The following EDN1 variants were observed in gnomAD, a reference collection of about 807,000 sequenced individuals.
The protein encoded by EDN1 is endothelin 1, also known as endothelin-1.
A neutral mutation model predicts 21.7 loss-of-function variants in EDN1; 11 were observed. That is an observed-to-expected ratio of 0.51 (90% confidence interval 0.32 to 0.84). EDN1 has a LOEUF of 0.84. EDN1 is among the 40% of genes least tolerant of loss of function. The probability of loss-of-function intolerance (pLI) is 0.03; values close to 1 mark genes in which losing one functional copy is unlikely to be tolerated. For synonymous variants in EDN1, 85 were observed against 90.6 expected (o/e 0.94, Z 0.35); for missense variants, 244 against 262.3 (o/e 0.93, Z 0.48).
intron 2 of EDN1, among the ~76,000 whole-genome samples, chr6:12,293,413 G>C (rs1464282907): frequency 6.6e-6 from 1 of 152,202 alleles, no homozygotes; most frequent in Admixed American, 6.5e-5. Flanking sequence ...CCGACTGGCA[G>C]GAGAAATGTG....
the EDN1 span, among the ~76,000 whole-genome samples, chr6:12,241,738 A>G: frequency 6.6e-6 from 1 of 152,162 alleles, no homozygotes; most frequent in Non-Finnish European, 1.5e-5. Flanking sequence ...AGATGATCCT[A>G]TGAGTAACAC....
the EDN1 span, among the ~76,000 whole-genome samples, chr6:12,252,152 T>C: frequency 6.6e-6 from 1 of 152,188 alleles, no homozygotes; most frequent in Non-Finnish European, 1.5e-5. Flanking sequence ...ACCTTTTAGA[T>C]ATTGCTGGAC....
the EDN1 span, among the ~76,000 whole-genome samples, chr6:12,263,396 A>C: frequency 6.6e-6 from 1 of 152,222 alleles, no homozygotes; most frequent in African/African-American, 2.4e-5. Context: ...GTGGGTGTAC[A>C]AATGCAAATT....
the EDN1 span, among the ~76,000 whole-genome samples, chr6:12,243,935 C>T: frequency 1.8e-3 from 281 of 152,168 alleles, 2 homozygotes; most frequent in African/African-American, 6.1e-3. Context: ...TTTAGTTACT[C>T]GTGATGGAAA....
At chr6:12,258,029 C>T in the EDN1 span, among the ~76,000 whole-genome samples, 943 of 152,082 alleles carry the variant, frequency 6.2e-3, 8 homozygotes, top group African/African-American at 0.021. Context: ...AATTCTGACA[C>T]GATTACTACT....
At chr6:12,272,389 C>T in the EDN1 span, among the ~76,000 whole-genome samples, 32 of 150,846 alleles carry the variant, frequency 2.1e-4, no homozygotes, top group Admixed American at 9.2e-4. Context: ...ATTAATTATG[C>T]GACTTCTTCT....
chr6:12,262,683 C>G, the EDN1 span, among the ~76,000 whole-genome samples: 1 of 151,968 alleles, frequency 6.6e-6, no homozygotes, highest in Non-Finnish European at 1.5e-5. Context: ...ACCAGCCTGA[C>G]CAACATAGTG....
At chr6:12,264,519 A>G in the EDN1 span, among the ~76,000 whole-genome samples, 1 of 152,192 alleles carries the variant, frequency 6.6e-6, no homozygotes, top group African/African-American at 2.4e-5. Flanking sequence ...GCTCTAGACC[A>G]GGGGTGTCCA....
the EDN1 span, among the ~76,000 whole-genome samples, chr6:12,246,668 G>C: frequency 1.4e-5 from 1 of 71,120 alleles, no homozygotes; most frequent in Admixed American, 1.3e-4. Flanking sequence ...TTTCTCCCTC[G>C]ATCTTGTTGT....
At chr6:12,295,901 C>T (rs1488634504) in intron 4 of EDN1, 61 bp from the exon 5 acceptor site, 31 of 1,552,136 alleles carry the variant, frequency 2.0e-5, no homozygotes, top group Non-Finnish European at 2.7e-5. Flanking sequence ...TTACATGTTT[C>T]TTTTGCCAAA....
At chr6:12,250,298 C>G in the EDN1 span, among the ~76,000 whole-genome samples, 1 of 151,974 alleles carries the variant, frequency 6.6e-6, no homozygotes, top group Non-Finnish European at 1.5e-5. Context: ...TTTGTTTTTT[C>G]TGTTTTAGTT....
the EDN1 span, among the ~76,000 whole-genome samples, chr6:12,269,049 C>T: frequency 3.9e-5 from 6 of 152,134 alleles, no homozygotes; most frequent in Admixed American, 2.6e-4. Context: ...GTTTTCACTT[C>T]CCTGGTTAAA....
At chr6:12,266,982 G>A in the EDN1 span, among the ~76,000 whole-genome samples, 1 of 152,188 alleles carries the variant, frequency 6.6e-6, no homozygotes, top group African/African-American at 2.4e-5. Flanking sequence ...AGTGATTATA[G>A]TAAAGAAGAA....
the EDN1 span, among the ~76,000 whole-genome samples, chr6:12,261,898 A>G: frequency 6.6e-6 from 1 of 152,320 alleles, no homozygotes; most frequent in Non-Finnish European, 1.5e-5. Flanking sequence ...GGAGACTTAT[A>G]GACATGGAGA....
chr6:12,257,712 A>T, the EDN1 span, among the ~76,000 whole-genome samples: 1 of 152,098 alleles, frequency 6.6e-6, no homozygotes, highest in African/African-American at 2.4e-5. Flanking sequence ...AGATTACAGG[A>T]CTCTTCATTT....
chr6:12,278,001 T>G, the EDN1 span, among the ~76,000 whole-genome samples: 1 of 152,394 alleles, frequency 6.6e-6, no homozygotes, highest in Middle Eastern at 3.4e-3. Context: ...GGGACTTGGT[T>G]ATGAATTAAA....
At chr6:12,279,319 G>T in the EDN1 span, among the ~76,000 whole-genome samples, 1 of 152,210 alleles carries the variant, frequency 6.6e-6, no homozygotes, top group East Asian at 1.9e-4. Flanking sequence ...CTGACACAAG[G>T]ACCCTGGAAA....
the EDN1 span, among the ~76,000 whole-genome samples, chr6:12,260,504 A>T: frequency 2.6e-5 from 4 of 152,268 alleles, no homozygotes; most frequent in African/African-American, 9.6e-5. Flanking sequence ...TTTATACCTT[A>T]GATATTGATT....
chr6:12,261,521 A>G, the EDN1 span, among the ~76,000 whole-genome samples: 1 of 152,170 alleles, frequency 6.6e-6, no homozygotes, highest in Non-Finnish European at 1.5e-5. Flanking sequence ...GCAGCTGTGG[A>G]TGAATGGGCG....
Sources: allele counts gnomAD v4.1 joint callset (sites outside exome capture counted in the v4.1 genomes callset), GRCh38; gene constraint gnomAD v4.1.1; transcripts MANE v1.5; gene names NCBI Gene and HGNC (gene_info 2026-07-23, HGNC 2026-07-21).